Variants in KDM1B observed in about 807,000 individuals in gnomAD.
KDM1B encodes lysine demethylase 1B, also known as lysine-specific histone demethylase 2.
In KDM1B, 63 loss-of-function variants were observed where a neutral mutation model predicts 107.4. The observed-to-expected ratio is 0.59, with a 90% CI of 0.48 to 0.72. The LOEUF is 0.72. Ranked by LOEUF, KDM1B falls within the 30% of genes least tolerant of loss-of-function variation. The pLI, the probability that KDM1B is intolerant of heterozygous loss-of-function variation, is 0.00. For synonymous variants in KDM1B, 363 were observed against 363.9 expected (o/e 1.00, Z 0.03); for missense variants, 749 against 1,020.8 (o/e 0.73, Z 3.63).
Position 18,222,658 on chromosome 6 carries a change from A to C in KDM1B, c.*666A>C, listed in dbSNP as rs992240237. On this transcript the variant is annotated 3_prime_UTR_variant, in exon 22 of 22. Coordinates refer to ENST00000650836, the MANE Select transcript of KDM1B (RefSeq NM_001364614.2). ...TTTGTGCACCCATTGGCAAAACAGG[A>C]AAGTTTCCAGATAGGTATTGTATCA... 6.2e-6 allele frequency: 1 copy of C among 160,196 alleles called. No individual in the cohort carries two copies. Among genetic ancestry groups the C allele is most frequent in the Non-Finnish European group, 1.4e-5 (1 of 73,146 alleles). The allele number at this position is 160,196 out of a possible 1,614,324, so 9.9% of individuals were successfully genotyped here. A position where few individuals can be genotyped will look rare whatever the true frequency, so the allele number is the denominator to read the frequency against.
At chr6:18,221,788 A>C in intron 21 of KDM1B, 121 bp from the exon 22 acceptor site, 1 of 766,216 alleles carries the variant, frequency 1.3e-6, no homozygotes, top group Non-Finnish European at 2.2e-6. Context: ...GAGTGTGAAT[A>C]TGAGCACACA....
In KDM1B at chr6:18,159,629, A is replaced by G. The variant is rs1469487269; in HGVS notation, c.-13-254A>G. 6.6e-6 allele frequency among the ~76,000 whole-genome samples: 1 copy of G among 152,196 alleles called. No homozygotes were observed. Among genetic ancestry groups the G allele is most frequent in the East Asian group, 1.9e-4 (1 of 5,184 alleles). ...GAACTTGAAAATGGTGGCTTGAGCC[A>G]GGTGGTGTGGTGACGTGCACCTGTA... is the stretch of plus-strand genomic sequence containing the variant. On this transcript the variant is annotated intron_variant, in intron 2 of 21. Transcript: ENST00000650836. The surrounding 1 kb of genome is among the most constrained non-coding windows in gnomAD (Gnocchi z 4.5).
In KDM1B at chr6:18,191,113, C is replaced by T; in HGVS notation, c.785-84C>T. 1 of 1,244,128 alleles carries T rather than the reference C, an allele frequency of 8.0e-7. No individual in the cohort carries two copies. Among genetic ancestry groups the T allele is most frequent in the Non-Finnish European group, 1.1e-6 (1 of 890,548 alleles). 77.1% of individuals were successfully genotyped at this position (1,244,128 alleles called of 1,614,324 possible). ...AGAGAGTGGAGCTTGTCTAGGCTTA[C>T]TTTTTGGTTTGCTTTTGCCCTTTAA... is the stretch of plus-strand genomic sequence containing the variant. On this transcript the variant is annotated intron_variant, in intron 9 of 21. Coordinates refer to ENST00000650836, the MANE Select transcript of KDM1B (RefSeq NM_001364614.2). The surrounding 1 kb of genome is among the most constrained non-coding windows in gnomAD (Gnocchi z 5.1).
chr6:18,160,030 T>C lies in KDM1B; in HGVS notation c.87+48T>C, dbSNP rs1256138788. ...ACAAGCCTTTTTTGAGCATGCAGAA[T>C]TACTGATTGGGACTGGAGAATTAGA... On this transcript the variant is annotated intron_variant, in intron 3 of 21. Coordinates refer to ENST00000650836, the MANE Select transcript of KDM1B (RefSeq NM_001364614.2). 7 of 1,249,946 alleles carry C rather than the reference T, an allele frequency of 5.6e-6. No individual in the cohort carries two copies. In the Admixed American group the frequency reaches 1.2e-4, roughly 22 times the overall value. 77.4% of individuals were successfully genotyped at this position (1,249,946 alleles called of 1,614,324 possible). A position where few individuals can be genotyped will look rare whatever the true frequency, so the allele number is the denominator to read the frequency against.
chr6:18,199,184 T>C (rs1256376318), intron 12 of KDM1B, among the ~76,000 whole-genome samples: 1 of 151,664 alleles, frequency 6.6e-6, no homozygotes, highest in Non-Finnish European at 1.5e-5. Context: ...GGTGACAGAG[T>C]GAGACCCCAA....
intron 16 of KDM1B, 137 bp from the exon 17 acceptor site, chr6:18,207,995 T>C: frequency 5.7e-6 from 4 of 697,620 alleles, no homozygotes; most frequent in Non-Finnish European, 1.0e-5. Context: ...GCTATAACAA[T>C]TGTTTAGATC....
Position 18,197,356 on chromosome 6 carries a change from C to T in KDM1B, c.1146+123C>T, listed in dbSNP as rs150532309. The T allele has an allele frequency of 1.8e-4, 170 of 964,342 alleles. No homozygotes were observed. The highest frequency in any genetic ancestry group is 4.1e-4 in the South Asian group (24 of 58,908). The allele number at this position is 964,342 out of a possible 1,614,324, so 59.7% of individuals were successfully genotyped here. The stretch of plus-strand genomic sequence containing the variant: ...TAAAACTTAACAGAAGCAAGGCTTT[C>T]GCAGAATGTGTTTCTCCTGAAAGGA... On this transcript the variant is annotated intron_variant, in intron 11 of 21. Transcript: ENST00000650836. This position sits in a 1 kb window ranked among gnomAD's most constrained non-coding sequence, Gnocchi z 4.5.
intron 7 of KDM1B, among the ~76,000 whole-genome samples, chr6:18,182,243 T>C (rs1346963163): frequency 6.6e-6 from 1 of 152,116 alleles, no homozygotes; most frequent in Non-Finnish European, 1.5e-5. Flanking sequence ...CCAACCCCAG[T>C]CACCCTCCTT....
intron 17 of KDM1B, among the ~76,000 whole-genome samples, chr6:18,208,625 A>ATATATATATATATATATT (rs1788579809): frequency 2.8e-5 from 1 of 36,264 alleles, no homozygotes; most frequent in African/African-American, 1.0e-4. Context: ...ATATATATAT[A>ATATATATATATATATATT]TATTTTTTTT....
chr6:18,163,905 T>A (rs1394145358), intron 5 of KDM1B, among the ~76,000 whole-genome samples: 4 of 152,106 alleles, frequency 2.6e-5, no homozygotes, highest in Non-Finnish European at 5.9e-5. Context: ...TATTGTCAGG[T>A]GGGTCTATCA....
intron 10 of KDM1B, among the ~76,000 whole-genome samples, chr6:18,192,870 C>A (rs1787372489): frequency 6.6e-6 from 1 of 151,508 alleles, no homozygotes; most frequent in African/African-American, 2.4e-5. Context: ...TTACCTGGAT[C>A]TATTTTAGTT....
rs1788944839 is a variant in KDM1B at position 18,212,779 on chromosome 6, G to C, written c.1983+175G>C. On this transcript the variant is annotated intron_variant, in intron 18 of 21. Coordinates refer to ENST00000650836, the MANE Select transcript of KDM1B (RefSeq NM_001364614.2). This position sits in a 1 kb window ranked among gnomAD's most constrained non-coding sequence, Gnocchi z 5.2. ...ACAGAAGAATATTATCAAAACGAAA[G>C]GAGGAGAGCTGGCTGAGGTCTGTGA... Among the ~76,000 whole-genome samples, 1 of 152,214 alleles carries C rather than the reference G, an allele frequency of 6.6e-6. No individual in the cohort carries two copies. Among genetic ancestry groups the C allele is most frequent in the African/African-American group, 2.4e-5 (1 of 41,446 alleles).
At chr6:18,217,655 T>C in intron 20 of KDM1B, 78 bp from the exon 21 acceptor site, 1 of 1,239,804 alleles carries the variant, frequency 8.1e-7, no homozygotes, top group Non-Finnish European at 1.2e-6. Flanking sequence ...GGGATGGGAC[T>C]ACAGGCATGA....
Position 18,212,432 on chromosome 6 carries a change from T to A in KDM1B, c.1867-56T>A. Reference sequence around the variant, plus strand: ...GCATGGGTTGTTGATACCAGTGTAGTGGTAGTGTGAGGTTCTGTTGCTGTT... The same window carrying A: ...GCATGGGTTGTTGATACCAGTGTAGAGGTAGTGTGAGGTTCTGTTGCTGTT... On this transcript the variant is annotated intron_variant, in intron 17 of 21. Coordinates refer to ENST00000650836, the MANE Select transcript of KDM1B (RefSeq NM_001364614.2). This position sits in a 1 kb window ranked among gnomAD's most constrained non-coding sequence, Gnocchi z 5.2. 1 of 983,074 alleles carries A rather than the reference T, an allele frequency of 1.0e-6. No homozygotes were observed. The highest frequency in any genetic ancestry group is 1.7e-6 in the Non-Finnish European group (1 of 604,360). The allele number at this position is 983,074 out of a possible 1,614,324, so 60.9% of individuals were successfully genotyped here. A position where few individuals can be genotyped will look rare whatever the true frequency, so the allele number is the denominator to read the frequency against.
intron 2 of KDM1B, among the ~76,000 whole-genome samples, chr6:18,156,556 A>G (rs1784622276): frequency 6.6e-6 from 1 of 152,118 alleles, no homozygotes; most frequent in African/African-American, 2.4e-5. Context: ...ACCATCAATA[A>G]TTATTTGCCT....
intron 6 of KDM1B, among the ~76,000 whole-genome samples, chr6:18,169,590 GGTT>G (rs1172240379): frequency 6.6e-6 from 1 of 152,090 alleles, no homozygotes; most frequent in African/African-American, 2.4e-5. Context: ...TTTTCCTATA[GGTT>G]GTTGTCTTCC....
At chr6:18,167,475 T>C (rs949729883) in intron 6 of KDM1B, among the ~76,000 whole-genome samples, 2 of 152,182 alleles carry the variant, frequency 1.3e-5, no homozygotes, top group African/African-American at 4.8e-5. Flanking sequence ...ATAAATGATT[T>C]GCTATTTTTT....
intron 21 of KDM1B, among the ~76,000 whole-genome samples, chr6:18,219,958 G>A (rs1277044190): frequency 6.6e-6 from 1 of 152,186 alleles, no homozygotes; most frequent in Admixed American, 6.5e-5. Flanking sequence ...GTTGCAGCCG[G>A]TCAAGTGGGG....
In KDM1B at chr6:18,166,391, A is replaced by T; in HGVS notation, c.417+13A>T. 2 of 1,445,202 alleles carry T rather than the reference A, an allele frequency of 1.4e-6. No homozygotes were observed. The highest frequency in any genetic ancestry group is 1.1e-5 in the South Asian group (1 of 87,596). 89.5% of individuals were successfully genotyped at this position (1,445,202 alleles called of 1,614,324 possible). On this transcript the variant is annotated intron_variant, in intron 6 of 21. Coordinates refer to ENST00000650836, the MANE Select transcript of KDM1B (RefSeq NM_001364614.2). ...ACTCCCCTACTGGGTAAGGAGAGTGATGCTCTCTGTCTGTGAAGTATTTGT... is the reference window on the plus strand; with the variant it reads ...ACTCCCCTACTGGGTAAGGAGAGTGTTGCTCTCTGTCTGTGAAGTATTTGT...
Sources: gnomAD v4.1 joint callset for allele counts (sites outside exome capture counted in the v4.1 genomes callset) on GRCh38, gnomAD v4.1.1 for gene constraint, Gnocchi (gnomAD v3.1) non-coding constraint, MANE v1.5 for transcripts, NCBI Gene and HGNC (gene_info 2026-07-23, HGNC 2026-07-21) for gene names.